Variants in SGCD observed in about 807,000 individuals in gnomAD.
The protein encoded by SGCD is delta-sarcoglycan.
Under a neutral mutation model 36.6 loss-of-function variants are expected in SGCD, and 18 were observed. The observed-to-expected ratio is 0.49, with a 90% CI of 0.34 to 0.73. The LOEUF (loss-of-function observed/expected upper bound fraction) is 0.73. Among genes scored for constraint, SGCD ranks in the 30% least tolerant of loss-of-function variants. The pLI, the probability that SGCD is intolerant of heterozygous loss-of-function variation, is 0.01. For synonymous variants in SGCD, 133 were observed against 130.6 expected (o/e 1.02, Z -0.12); for missense variants, 387 against 346.7 (o/e 1.12, Z -0.92).
intron 1 of SGCD, among the ~76,000 whole-genome samples, chr5:155,877,043 C>T (rs922627658): frequency 6.6e-6 from 1 of 152,138 alleles, no homozygotes; most frequent in African/African-American, 2.4e-5. Flanking sequence ...GCTGAGAAAC[C>T]TTTTAAACAT....
chr5:156,216,500 G>T (rs1398852682), intron 3 of SGCD, among the ~76,000 whole-genome samples: 2 of 152,126 alleles, frequency 1.3e-5, no homozygotes, highest in Non-Finnish European at 2.9e-5. Context: ...GTTTGTTTAT[G>T]TAAGCATCTG....
chr5:156,208,392 T>G (rs1396975209), intron 3 of SGCD, among the ~76,000 whole-genome samples: 1 of 152,260 alleles, frequency 6.6e-6, no homozygotes, highest in East Asian at 1.9e-4. Flanking sequence ...TAATGTTCTC[T>G]GCATCTTCTG....
chr5:156,739,349 G>A (rs190639701), intron 7 of SGCD, among the ~76,000 whole-genome samples: 16 of 152,292 alleles, frequency 1.1e-4, no homozygotes, highest in East Asian at 9.6e-4. Flanking sequence ...TTTCCTGCAC[G>A]CCTTGATGCT....
intron 3 of SGCD, among the ~76,000 whole-genome samples, chr5:156,250,089 G>A (rs115453279): frequency 0.014 from 2,109 of 152,282 alleles, 16 homozygotes; most frequent in Non-Finnish European, 0.019. Context: ...TATAATGAGC[G>A]TTGAAACTTT....
At chr5:156,130,114 A>G (rs909646647) in intron 3 of SGCD, among the ~76,000 whole-genome samples, 3 of 152,206 alleles carry the variant, frequency 2.0e-5, no homozygotes, top group East Asian at 1.9e-4. Context: ...CCAACAGTGT[A>G]TAAGTGTTCC....
At chr5:156,072,910 C>T (rs961261179) in intron 1 of SGCD, among the ~76,000 whole-genome samples, 18 of 152,128 alleles carry the variant, frequency 1.2e-4, no homozygotes, top group Non-Finnish European at 2.2e-4. Flanking sequence ...CCCTTTGTTC[C>T]AGTTGATCGC....
chr5:156,346,211 T>C (rs934401679), intron 3 of SGCD, among the ~76,000 whole-genome samples: 6 of 151,940 alleles, frequency 3.9e-5, no homozygotes, highest in Non-Finnish European at 8.8e-5. Flanking sequence ...CAGGAAACCA[T>C]AAAAACAAAA....
chr5:155,855,919 C>T, the SGCD span, among the ~76,000 whole-genome samples: 2 of 151,760 alleles, frequency 1.3e-5, no homozygotes, highest in Non-Finnish European at 2.9e-5. Flanking sequence ...TAACTGTATT[C>T]CATATGTTAA....
intron 3 of SGCD, among the ~76,000 whole-genome samples, chr5:156,226,148 G>C (rs2127648295): frequency 6.6e-6 from 1 of 152,178 alleles, no homozygotes; most frequent in East Asian, 1.9e-4. Context: ...TGATTTGTGA[G>C]ATTTTGGTGC....
At chr5:155,810,795 C>CTTTTGTTTTT in the SGCD span, among the ~76,000 whole-genome samples, 1 of 35,304 alleles carries the variant, frequency 2.8e-5, no homozygotes, top group Non-Finnish European at 5.2e-5. Context: ...TTAGTGTCTG[C>CTTTTGTTTTT]TTTTTTTTTT....
chr5:156,033,163 C>T (rs1330052333), intron 1 of SGCD, among the ~76,000 whole-genome samples: 1 of 151,962 alleles, frequency 6.6e-6, no homozygotes, highest in Non-Finnish European at 1.5e-5. Flanking sequence ...TTCTGTGGTA[C>T]TTGTTGAGAT....
chr5:156,743,478 T>C (rs1756794429), intron 7 of SGCD, among the ~76,000 whole-genome samples: 1 of 152,186 alleles, frequency 6.6e-6, no homozygotes, highest in South Asian at 2.1e-4. Context: ...AATTACTTTC[T>C]TTCTAAAAGT....
At chr5:156,205,725 C>T (rs1041482252) in intron 3 of SGCD, among the ~76,000 whole-genome samples, 2 of 151,990 alleles carry the variant, frequency 1.3e-5, no homozygotes, top group Non-Finnish European at 2.9e-5. Context: ...AAATTCCTAA[C>T]ACTTTTATGT....
chr5:156,256,136 A>C (rs1347790859), intron 3 of SGCD, among the ~76,000 whole-genome samples: 1 of 152,168 alleles, frequency 6.6e-6, no homozygotes, highest in Non-Finnish European at 1.5e-5. Flanking sequence ...AAGTAGAGAA[A>C]GGGAGACATA....
rs1412830782 is a variant in SGCD at position 156,668,139 on chromosome 5, G to A, written c.575+20603G>A. ...CACAACTGTCCTCACTGCATGTTGT[G>A]TAGTACCTGCCCAGAAAACAGGAGG... On this transcript the variant is annotated intron_variant, in intron 7 of 8. Coordinates refer to ENST00000337851, the MANE Select transcript of SGCD (RefSeq NM_000337.6). Among the ~76,000 whole-genome samples, 4 of 152,142 alleles carry A rather than the reference G, an allele frequency of 2.6e-5. No individual in the cohort carries two copies. In the South Asian group the frequency reaches 6.2e-4, roughly 24 times the overall value.
chr5:156,437,553 T>G (rs1200244067), intron 3 of SGCD, among the ~76,000 whole-genome samples: 1 of 152,186 alleles, frequency 6.6e-6, no homozygotes, highest in African/African-American at 2.4e-5. Flanking sequence ...GCAAATGTTA[T>G]AGCATACAAG....
rs9313829 is a variant in SGCD, at chr5:156,174,366, C to T, written c.-44+50347C>T. ...ATGGCTTTCCAGTGGAGGAACCAGC[C>T]AAGTGTGTATAAAAAGAAACAAACA... On this transcript the variant is annotated intron_variant, in intron 3 of 9. Transcript: ENST00000517913. Among the ~76,000 whole-genome samples, 383 of 152,128 alleles carry T rather than the reference C, an allele frequency of 2.5e-3. 3 individuals are homozygous for T. The highest frequency in any genetic ancestry group is 8.7e-3 in the African/African-American group (359 of 41,490).
At chr5:156,580,961 T>G (rs115301004) in intron 4 of SGCD, among the ~76,000 whole-genome samples, 5,872 of 152,282 alleles carry the variant, frequency 0.039, 183 homozygotes, top group East Asian at 0.17. Context: ...GGAGCTGCTA[T>G]CCTTTGGAGG....
At chr5:155,980,518 G>A (rs1334018568) in intron 1 of SGCD, among the ~76,000 whole-genome samples, 2 of 135,330 alleles carry the variant, frequency 1.5e-5, no homozygotes, top group Non-Finnish European at 3.1e-5. Context: ...AACCCGAGAG[G>A]CAGAGCTTGC....
Sources: gnomAD v4.1 joint callset for allele counts (sites outside exome capture counted in the v4.1 genomes callset) on GRCh38, gnomAD v4.1.1 for gene constraint, MANE v1.5 for transcripts, NCBI Gene and HGNC (gene_info 2026-07-23, HGNC 2026-07-21) for gene names.